SAMTOR: variants seen among roughly 807,000 people sequenced by gnomAD.
The protein encoded by SAMTOR is S-adenosylmethionine sensor upstream of mTORC1, also known as UPF0532 protein C7orf60.
the SAMTOR span, chr7:112,821,544 T>C: frequency 2.2e-6 from 1 of 455,020 alleles, no homozygotes; most frequent in Non-Finnish European, 3.8e-6. Flanking sequence ...ATGACATGAG[T>C]CACTCTGCAT....
At chr7:112,922,373 G>A in the SAMTOR span, among the ~76,000 whole-genome samples, 6 of 152,280 alleles carry the variant, frequency 3.9e-5, no homozygotes, top group South Asian at 2.1e-4. Context: ...CTGCCCAGCC[G>A]CCACCCTGTC....
chr7:112,863,206 T>C, the SAMTOR span, among the ~76,000 whole-genome samples: 1 of 152,196 alleles, frequency 6.6e-6, no homozygotes, highest in Admixed American at 6.5e-5. Context: ...ATTCAATAAA[T>C]GGTGCCAGGA....
the SAMTOR span, among the ~76,000 whole-genome samples, chr7:112,822,881 T>G: frequency 6.6e-6 from 1 of 152,230 alleles, no homozygotes; most frequent in East Asian, 1.9e-4. Flanking sequence ...TTTAACCATT[T>G]AAAAAGTAAC....
chr7:112,925,908 GA>G, the SAMTOR span, among the ~76,000 whole-genome samples: 1 of 151,980 alleles, frequency 6.6e-6, no homozygotes, highest in Non-Finnish European at 1.5e-5. Context: ...ATGGGAAGGA[GA>G]AAAAACTAAT....
the SAMTOR span, among the ~76,000 whole-genome samples, chr7:112,862,552 A>T: frequency 3.3e-5 from 5 of 152,184 alleles, no homozygotes; most frequent in Non-Finnish European, 4.4e-5. Flanking sequence ...GTTTTCATGG[A>T]GCTTTACAAT....
chr7:112,897,269 C>T, the SAMTOR span, among the ~76,000 whole-genome samples: 1 of 151,924 alleles, frequency 6.6e-6, no homozygotes, highest in African/African-American at 2.4e-5. Context: ...CTGTAAATAC[C>T]CACTAACTGT....
chr7:112,861,029 A>G, the SAMTOR span, among the ~76,000 whole-genome samples: 1 of 152,188 alleles, frequency 6.6e-6, no homozygotes, highest in Non-Finnish European at 1.5e-5. Flanking sequence ...AAAGCTGGAA[A>G]AAACTATAAA....
chr7:112,905,294 A>T, the SAMTOR span, among the ~76,000 whole-genome samples: 3 of 152,166 alleles, frequency 2.0e-5, no homozygotes, highest in East Asian at 5.8e-4. Flanking sequence ...TCTCTCAGGA[A>T]ATATAAGTAA....
chr7:112,939,772 G>GCCGCCCCTCAGGCCC, the SAMTOR span: 1 of 1,569,940 alleles, frequency 6.4e-7, no homozygotes, highest in Non-Finnish European at 8.6e-7. Flanking sequence ...CGCCGCCGCC[G>GCCGCCCCTCAGGCCC]CCGCCCCTCA....
chr7:112,918,792 G>A, the SAMTOR span, among the ~76,000 whole-genome samples: 2 of 152,138 alleles, frequency 1.3e-5, no homozygotes, highest in African/African-American at 4.8e-5. Flanking sequence ...GGCAGCAGGT[G>A]CAATCCTAGT....
the SAMTOR span, among the ~76,000 whole-genome samples, chr7:112,835,787 C>T: frequency 6.6e-5 from 10 of 152,114 alleles, no homozygotes; most frequent in Non-Finnish European, 1.3e-4. Context: ...CCTCCAGCTC[C>T]ATCCATGTTG....
the SAMTOR span, among the ~76,000 whole-genome samples, chr7:112,916,919 T>G: frequency 1.3e-5 from 2 of 152,132 alleles, no homozygotes; most frequent in Non-Finnish European, 2.9e-5. Flanking sequence ...CCAGGCTTGC[T>G]TAGGTAAACA....
chr7:112,821,631 T>C, the SAMTOR span: 3 of 1,000,098 alleles, frequency 3.0e-6, no homozygotes, highest in African/African-American at 3.3e-5. Flanking sequence ...TGTAAACCTC[T>C]GCATTTCTTT....
chr7:112,837,062 T>C, the SAMTOR span, among the ~76,000 whole-genome samples: 8 of 152,286 alleles, frequency 5.3e-5, no homozygotes, highest in African/African-American at 1.9e-4. Context: ...TAATGATTCT[T>C]CCTATCCATG....
At chr7:112,830,465 C>T in the SAMTOR span, among the ~76,000 whole-genome samples, 1 of 152,208 alleles carries the variant, frequency 6.6e-6, no homozygotes, top group African/African-American at 2.4e-5. Context: ...TGTTTATAAA[C>T]CTATCCATAA....
At chr7:112,937,818 A>G in the SAMTOR span, among the ~76,000 whole-genome samples, 1 of 149,800 alleles carries the variant, frequency 6.7e-6, no homozygotes, top group Non-Finnish European at 1.5e-5. Flanking sequence ...TAGATCTGGT[A>G]ACTTCCGATT....
chr7:112,889,416 G>C, the SAMTOR span, among the ~76,000 whole-genome samples: 11 of 152,176 alleles, frequency 7.2e-5, no homozygotes, highest in African/African-American at 2.2e-4. Flanking sequence ...GTGAGAACAA[G>C]CATGTACCAC....
At chr7:112,902,449 C>CAAAAAAAA in the SAMTOR span, among the ~76,000 whole-genome samples, 1 of 54,936 alleles carries the variant, frequency 1.8e-5, no homozygotes, top group Non-Finnish European at 3.3e-5. Context: ...CAAAAAAAAA[C>CAAAAAAAA]AAAAAAAAAA....
At chr7:112,920,803 A>G in the SAMTOR span, among the ~76,000 whole-genome samples, 1 of 151,958 alleles carries the variant, frequency 6.6e-6, no homozygotes, top group Non-Finnish European at 1.5e-5. Flanking sequence ...TTATACACCA[A>G]TAACAGACAA....
Sources: gnomAD v4.1 joint callset for allele counts (sites outside exome capture counted in the v4.1 genomes callset) on GRCh38, gnomAD v4.1.1 for gene constraint, MANE v1.5 for transcripts, NCBI Gene and HGNC (gene_info 2026-07-23, HGNC 2026-07-21) for gene names.